Variants in TFDP2 observed in about 807,000 individuals in gnomAD.
The protein encoded by TFDP2 is transcription factor Dp-2 (E2F dimerization partner 2).
TFDP2 carries 17 observed loss-of-function variants against 59.3 expected under a neutral mutation model. The observed-to-expected ratio is 0.29, with a 90% CI of 0.20 to 0.43. The LOEUF (loss-of-function observed/expected upper bound fraction) is 0.43. TFDP2 is among the 20% of genes least tolerant of loss of function. The probability of loss-of-function intolerance (pLI) is 1.00; values close to 1 mark genes in which losing one functional copy is unlikely to be tolerated. For missense variants in TFDP2, 391 were observed against 528.8 expected (o/e 0.74, Z 2.56); for synonymous variants, 180 against 194.7 (o/e 0.92, Z 0.63).
chr3:142,023,469 G>A (rs574897795), intron 3 of TFDP2, among the ~76,000 whole-genome samples: 7 of 152,050 alleles, frequency 4.6e-5, no homozygotes, highest in Non-Finnish European at 1.0e-4. Flanking sequence ...GGGATTACAG[G>A]CGTGAACCAC....
intron 9 of TFDP2, among the ~76,000 whole-genome samples, chr3:141,967,120 T>G (rs1938215403): frequency 6.6e-6 from 1 of 151,376 alleles, no homozygotes. Context: ...TTTCACCATG[T>G]TTGTCAGGCT....
intron 3 of TFDP2, among the ~76,000 whole-genome samples, chr3:142,062,617 C>T (rs906128360): frequency 1.3e-5 from 2 of 151,742 alleles, no homozygotes; most frequent in Non-Finnish European, 2.9e-5. Flanking sequence ...AAAACTGAAC[C>T]CCAACCAAAC....
At position 141,949,283 on chromosome 3, in the gene TFDP2, A is replaced by G. The variant is rs1935641081; in HGVS notation, c.*3230T>C. The G allele has an allele frequency of 6.6e-6, 1 of 152,104 alleles. No individual in the cohort carries two copies. The highest frequency in any genetic ancestry group is 1.5e-5 in the Non-Finnish European group (1 of 68,028). The allele number at this position is 152,104 out of a possible 1,614,324, so 9.4% of individuals were successfully genotyped here. On this transcript the variant is annotated 3_prime_UTR_variant, in exon 13 of 13. Transcript: ENST00000489671. ...TTTCTTCCCAGCACTTCTTTAAAGA[A>G]TTAAATTGAAGGACGCCAAACTTGT...
chr3:141,961,849 G>T (rs1576465957), intron 10 of TFDP2, among the ~76,000 whole-genome samples: 2 of 152,162 alleles, frequency 1.3e-5, no homozygotes, highest in East Asian at 3.9e-4. Context: ...GAGGCAGGGG[G>T]ACCGCTTGAG....
At chr3:142,023,816 T>G (rs1945857971) in intron 3 of TFDP2, among the ~76,000 whole-genome samples, 2 of 152,220 alleles carry the variant, frequency 1.3e-5, no homozygotes, top group Non-Finnish European at 2.9e-5. Context: ...TTTTTAAATT[T>G]TTTTTGAGAC....
chr3:142,141,983 C>T lies in TFDP2; in HGVS notation c.-93+7200G>A, dbSNP rs544978689. Among the ~76,000 whole-genome samples the T allele has an allele frequency of 5.9e-5, 9 of 152,290 alleles. No homozygotes were observed. The South Asian group carries it at 1.9e-3, about 32-fold the overall frequency. On this transcript the variant is annotated intron_variant, in intron 1 of 12. Transcript: ENST00000489671. Reference sequence around the variant, plus strand: ...AAAGCCATATATGACAGACCCACAGCTAGTATCATACTGAATGGGGAAAAA... The same window carrying T: ...AAAGCCATATATGACAGACCCACAGTTAGTATCATACTGAATGGGGAAAAA...
chr3:142,109,418 C>T (rs970726586), intron 1 of TFDP2, among the ~76,000 whole-genome samples: 2 of 150,382 alleles, frequency 1.3e-5, no homozygotes, highest in Non-Finnish European at 2.9e-5. Context: ...AACCTCTGGC[C>T]CCTGGGTTCA....
intron 1 of TFDP2, among the ~76,000 whole-genome samples, chr3:142,119,844 T>A (rs1402852637): frequency 4.9e-5 from 7 of 141,908 alleles, no homozygotes; most frequent in Middle Eastern, 3.8e-3. Context: ...AGGTCAGGAG[T>A]TCAAGACAAG....
intron 3 of TFDP2, among the ~76,000 whole-genome samples, chr3:142,029,636 T>C (rs908060799): frequency 6.6e-6 from 1 of 152,120 alleles, no homozygotes; most frequent in African/African-American, 2.4e-5. Context: ...CATCCTGATG[T>C]ATGGCACAAG....
At chr3:141,973,093 G>GTATA (rs1553761666) in intron 8 of TFDP2, among the ~76,000 whole-genome samples, 8,628 of 102,616 alleles carry the variant, frequency 0.084, 496 homozygotes, top group South Asian at 0.13. Flanking sequence ...AAAGCTATGT[G>GTATA]TATATATATA....
At chr3:142,144,569 T>A (rs1044291738) in intron 1 of TFDP2, among the ~76,000 whole-genome samples, 3 of 152,160 alleles carry the variant, frequency 2.0e-5, no homozygotes, top group East Asian at 3.9e-4. Context: ...AGAGATAGGG[T>A]CTCACTCTGT....
Position 142,058,657 on chromosome 3 carries a change from C to T in TFDP2, c.82+34404G>A, listed in dbSNP as rs116655465. Among the ~76,000 whole-genome samples the T allele has an allele frequency of 2.3e-3, 345 of 152,246 alleles. 4 individuals are homozygous for T. Among genetic ancestry groups the T allele is most frequent in the African/African-American group, 7.8e-3 (322 of 41,546 alleles). On this transcript the variant is annotated intron_variant, in intron 3 of 12. Transcript: ENST00000489671. ...AGGCTACTACAACTCAGGAAGGCAA[C>T]AGCCAAATCGAAGAGAAACGTAAGA...
intron 8 of TFDP2, among the ~76,000 whole-genome samples, chr3:141,972,508 G>A (rs1939918731): frequency 6.6e-6 from 1 of 152,144 alleles, no homozygotes; most frequent in African/African-American, 2.4e-5. Flanking sequence ...CTCCATGCCT[G>A]TTCCCTAGCC....
chr3:142,123,201 C>A (rs1373376710), intron 1 of TFDP2, among the ~76,000 whole-genome samples: 1 of 152,212 alleles, frequency 6.6e-6, no homozygotes, highest in Non-Finnish European at 1.5e-5. Context: ...GCGGCATGAT[C>A]TCAGCTCACT....
chr3:142,043,723 G>A (rs1328270263), intron 3 of TFDP2: 7 of 1,285,772 alleles, frequency 5.4e-6, no homozygotes, highest in Non-Finnish European at 7.9e-6. Context: ...CTTGGTCTTA[G>A]ACCTGGGGGC....
chr3:142,130,627 C>T (rs968621933), intron 1 of TFDP2, among the ~76,000 whole-genome samples: 2 of 151,870 alleles, frequency 1.3e-5, no homozygotes, highest in African/African-American at 4.8e-5. Flanking sequence ...TCTCCTAATG[C>T]GATCCCGGGA....
At chr3:142,077,033 C>T (rs191097972) in intron 3 of TFDP2, among the ~76,000 whole-genome samples, 1 of 152,266 alleles carries the variant, frequency 6.6e-6, no homozygotes, top group East Asian at 1.9e-4. Context: ...AGAATCTATG[C>T]ACCTGGGGGA....
intron 3 of TFDP2, among the ~76,000 whole-genome samples, chr3:142,021,174 T>G (rs1210670892): frequency 6.6e-6 from 1 of 152,180 alleles, no homozygotes; most frequent in Admixed American, 6.5e-5. Context: ...AACATCACTA[T>G]AATTGGGATG....
chr3:142,003,189 TG>T (rs1435445372), intron 4 of TFDP2, among the ~76,000 whole-genome samples: 1 of 152,050 alleles, frequency 6.6e-6, no homozygotes, highest in Non-Finnish European at 1.5e-5. Context: ...TTAGTAGACA[TG>T]GGGTTTCACT....
Sources: allele counts gnomAD v4.1 joint callset (sites outside exome capture counted in the v4.1 genomes callset), GRCh38; gene constraint gnomAD v4.1.1; transcripts MANE v1.5; gene names NCBI Gene and HGNC (gene_info 2026-07-23, HGNC 2026-07-21).